Variants in DENND2D observed in about 807,000 individuals in gnomAD.
The protein encoded by DENND2D is DENN domain containing 2D, also known as DENN domain-containing protein 2D.
DENND2D carries 37 observed loss-of-function variants against 59.8 expected under a neutral mutation model. The ratio of observed to expected loss-of-function variants is 0.62; its 90% CI spans 0.48 to 0.81. DENND2D has a LOEUF of 0.81. DENND2D is among the 40% of genes least tolerant of loss of function. DENND2D has a pLI of 0.00. For missense variants in DENND2D, 525 were observed against 579.7 expected (o/e 0.91, Z 0.97); for synonymous variants, 219 against 211.3 (o/e 1.04, Z -0.31).
At chr1:111,204,439 C>G, upstream of DENND2D, 3 of 1,276,434 alleles carry the variant, frequency 2.4e-6, no homozygotes, top group South Asian at 6.1e-5. Context: ...GACACTTTCA[C>G]TTTCACGCGG....
At chr1:111,204,123 T>A, upstream of DENND2D, 5 of 212,936 alleles carry the variant, frequency 2.3e-5, no homozygotes, top group East Asian at 2.1e-4. Flanking sequence ...TCTTCCCCTC[T>A]CCGCGCGCTC....
At chr1:111,189,300 AC>A in intron 8 of DENND2D, 47 bp from the exon 9 acceptor site, 1 of 1,606,458 alleles carries the variant, frequency 6.2e-7, no homozygotes, top group African/African-American at 1.3e-5. Context: ...TTCTTCATAG[AC>A]CCCCAGAGGA....
chr1:111,189,960 C>G (rs1187639495), intron 8 of DENND2D, among the ~76,000 whole-genome samples: 2 of 152,122 alleles, frequency 1.3e-5, no homozygotes, highest in Admixed American at 6.5e-5. Context: ...GTCAGGAGAT[C>G]GAGACCATCC....
At chr1:111,195,033 C>T (rs1658097576) in intron 6 of DENND2D, 1 of 368,586 alleles carries the variant, frequency 2.7e-6, no homozygotes, top group Admixed American at 4.0e-5. Context: ...ACAGTGAGGG[C>T]CCTCCTCCTG....
At chr1:111,203,479 T>C (rs553951029), upstream of DENND2D, among the ~76,000 whole-genome samples, 1 of 152,362 alleles carries the variant, frequency 6.6e-6, no homozygotes, top group African/African-American at 2.4e-5. Flanking sequence ...TGGCTAGTGG[T>C]AAGCCACACA....
At chr1:111,195,832 G>C (rs935200844) in intron 6 of DENND2D, 84 bp downstream of exon 6, 3 of 1,590,226 alleles carry the variant, frequency 1.9e-6, no homozygotes, top group Non-Finnish European at 2.6e-6. Flanking sequence ...CTTTAACCTG[G>C]TTAATGGAAG....
chr1:111,199,492 G>T, intron 2 of DENND2D, 131 bp downstream of exon 2: 1 of 989,606 alleles, frequency 1.0e-6, no homozygotes, highest in Non-Finnish European at 1.5e-6. Context: ...GGAGAGCAGT[G>T]AGCTCAGAGC....
At chr1:111,188,676 G>C in intron 10 of DENND2D, 26 bp downstream of exon 10, 1 of 1,592,018 alleles carries the variant, frequency 6.3e-7, no homozygotes, top group South Asian at 1.1e-5. Context: ...TGCCTGGAGA[G>C]ACCCAAAATA....
intron 4 of DENND2D, chr1:111,197,580 A>T: frequency 3.0e-6 from 4 of 1,353,712 alleles, no homozygotes; most frequent in Non-Finnish European, 3.8e-6. Flanking sequence ...GAGACCTAAG[A>T]TTTGAAACTA....
At chr1:111,199,484 A>G in intron 2 of DENND2D, 139 bp downstream of exon 2, 1 of 919,760 alleles carries the variant, frequency 1.1e-6, no homozygotes, top group African/African-American at 1.7e-5. Flanking sequence ...AAGGAAATGG[A>G]GAGCAGTGAG....
intron 2 of DENND2D, 44 bp downstream of exon 2, chr1:111,199,579 C>T: frequency 3.8e-6 from 6 of 1,568,654 alleles, no homozygotes; most frequent in Non-Finnish European, 5.2e-6. Context: ...ACCTTCCAAA[C>T]ACCCCAGTCC....
At chr1:111,198,057 A>C in intron 3 of DENND2D, 68 bp from the exon 4 acceptor site, 1 of 1,527,102 alleles carries the variant, frequency 6.5e-7, no homozygotes, top group Non-Finnish European at 9.0e-7. Flanking sequence ...AGTGGTCAGC[A>C]CTAGAGGGTG....
At chr1:111,187,802 T>C in intron 11 of DENND2D, 121 bp from the exon 12 acceptor site, 1 of 844,278 alleles carries the variant, frequency 1.2e-6, no homozygotes, top group East Asian at 2.6e-5. Flanking sequence ...TGCCAGGATG[T>C]CTCTGGCCTC....
chr1:111,188,782 C>A lies in DENND2D; in HGVS notation c.1019G>T (p.Gly340Val). ...LCEGTFLMSV[G>V]DEKDILPPKL... The stretch of plus-strand genomic sequence containing the variant: ...CGGTGGCAGGATGTCTTTTTCATCA[C>A]CAACCTAGAAGAGGACAGAGCTCCG... The change falls in exon 10 of 12, where the codon GGT becomes GTT. Residue 340 changes from glycine (G) to valine (V), a missense_variant. By Grantham distance (109) the Gly-to-Val change is moderately radical (BLOSUM62 -3). This residue lies in a region of DENND2D where 225 missense variants were observed against 252.4 expected (regional missense o/e 0.89). Coordinates refer to ENST00000357640, the MANE Select transcript of DENND2D (RefSeq NM_024901.5). 1 of 1,613,958 alleles carries A rather than the reference C, an allele frequency of 6.2e-7. No homozygotes were observed. Among genetic ancestry groups the A allele is most frequent in the South Asian group, 1.1e-5 (1 of 91,080 alleles).
intron 3 of DENND2D, among the ~76,000 whole-genome samples, chr1:111,198,335 G>A (rs1658451515): frequency 1.3e-5 from 2 of 152,168 alleles, no homozygotes; most frequent in South Asian, 4.1e-4. Context: ...CTTCTTGGAG[G>A]CTAACTGCTT....
chr1:111,199,586 G>A, intron 2 of DENND2D, 37 bp downstream of exon 2: 3 of 1,588,386 alleles, frequency 1.9e-6, no homozygotes, highest in Non-Finnish European at 2.6e-6. Flanking sequence ...AAACACCCCA[G>A]TCCTCTGGCT....
In DENND2D at chr1:111,197,955, C is replaced by T. The variant is rs1557962225; in HGVS notation, c.391G>A (p.Gly131Arg). ...TFSFVLTNVD[G>R]SRKIGYCRRL... ...CTGCAGTATCCAATCTTTCTGCTCCCATCCACATTGGTCAGAACGAAGGAG... is the reference window on the plus strand; with the variant it reads ...CTGCAGTATCCAATCTTTCTGCTCCTATCCACATTGGTCAGAACGAAGGAG... Residue 131 changes from glycine to arginine, a missense_variant, in exon 4 of 12, where the codon GGG (glycine) becomes AGG (arginine). Physicochemically the swap from Gly to Arg is moderately radical, Grantham distance 125. Transcript: ENST00000357640. 1 of 1,614,138 alleles carries T rather than the reference C, an allele frequency of 6.2e-7. No individual in the cohort carries two copies. Among genetic ancestry groups the T allele is most frequent in the South Asian group, 1.1e-5 (1 of 91,080 alleles).
chr1:111,189,947 G>A (rs1657583772), intron 8 of DENND2D, among the ~76,000 whole-genome samples: 1 of 152,144 alleles, frequency 6.6e-6, no homozygotes, highest in Admixed American at 6.5e-5. Context: ...GGTGGATCAC[G>A]AGGTCAGGAG....
upstream of DENND2D, among the ~76,000 whole-genome samples, chr1:111,202,952 C>G (rs956468469): frequency 6.6e-6 from 1 of 152,182 alleles, no homozygotes; most frequent in Non-Finnish European, 1.5e-5. Flanking sequence ...ACTGGAATGT[C>G]TCCTCTGGGC....
Sources: allele counts gnomAD v4.1 joint callset (sites outside exome capture counted in the v4.1 genomes callset), GRCh38; gene constraint gnomAD v4.1.1; regional missense constraint gnomAD v4.1.1; transcripts MANE v1.5; gene names NCBI Gene and HGNC (gene_info 2026-07-23, HGNC 2026-07-21).